Variants in LRRC4C observed in about 807,000 individuals in gnomAD.
The protein encoded by LRRC4C is leucine rich repeat containing 4C.
Under a neutral mutation model 33.6 loss-of-function variants are expected in LRRC4C, and 5 were observed. The ratio of observed to expected loss-of-function variants is 0.15; its 90% CI spans 0.08 to 0.31. The LOEUF is 0.31. Among genes scored for constraint, LRRC4C ranks in the 10% least tolerant of loss-of-function variants. LRRC4C has a pLI of 1.00. For synonymous variants in LRRC4C, 329 were observed against 302.0 expected, an observed-to-expected ratio of 1.09 and a Z score of -0.93; for missense variants, 560 against 796.7, an observed-to-expected ratio of 0.70 and a Z score of 3.58.
chr11:41,409,053 A>G (rs565084572), intron 1 of LRRC4C, among the ~76,000 whole-genome samples: 1 of 152,024 alleles, frequency 6.6e-6, no homozygotes, highest in African/African-American at 2.4e-5. Context: ...TCACAGAGTG[A>G]CCCTGAAACT....
At chr11:41,215,012 ATG>A (rs1946992520) in intron 1 of LRRC4C, among the ~76,000 whole-genome samples, 1 of 115,908 alleles carries the variant, frequency 8.6e-6, no homozygotes, top group Admixed American at 1.1e-4. Context: ...TTTTTTATTC[ATG>A]TATATATATA....
At chr11:40,701,441 A>G (rs1471201765) in intron 2 of LRRC4C, among the ~76,000 whole-genome samples, 2 of 151,962 alleles carry the variant, frequency 1.3e-5, no homozygotes, top group Non-Finnish European at 2.9e-5. Flanking sequence ...CATCCAGTGA[A>G]GGTGGAAAAA....
intron 2 of LRRC4C, among the ~76,000 whole-genome samples, chr11:40,703,398 C>T (rs969659553): frequency 2.0e-5 from 3 of 152,078 alleles, no homozygotes; most frequent in Non-Finnish European, 4.4e-5. Context: ...GGCAAAACCA[C>T]GTCTCTACAA....
chr11:40,641,423 A>T (rs977375672), intron 3 of LRRC4C, among the ~76,000 whole-genome samples: 1 of 152,180 alleles, frequency 6.6e-6, no homozygotes, highest in African/African-American at 2.4e-5. Context: ...TATTTATTTT[A>T]TAGCTCTAGG....
At chr11:40,586,779 A>G (rs908108460) in intron 3 of LRRC4C, among the ~76,000 whole-genome samples, 1 of 151,824 alleles carries the variant, frequency 6.6e-6, no homozygotes, top group South Asian at 2.1e-4. Flanking sequence ...AAGATCAGAT[A>G]GTTGTATATA....
chr11:40,282,780 A>G (rs557406351), intron 4 of LRRC4C, among the ~76,000 whole-genome samples: 5 of 152,286 alleles, frequency 3.3e-5, no homozygotes, highest in African/African-American at 1.2e-4. Flanking sequence ...TCCTCAGGAG[A>G]GAAAGGAGGA....
chr11:41,295,137 T>C (rs996144632), intron 1 of LRRC4C, among the ~76,000 whole-genome samples: 1 of 152,118 alleles, frequency 6.6e-6, no homozygotes, highest in African/African-American at 2.4e-5. Context: ...TGCAGCCTTA[T>C]CCTAAAATAG....
chr11:41,184,666 G>T (rs1459925325), intron 1 of LRRC4C, among the ~76,000 whole-genome samples: 1 of 152,042 alleles, frequency 6.6e-6, no homozygotes, highest in Non-Finnish European at 1.5e-5. Flanking sequence ...CCTCCAAACT[G>T]TTCCAATCAC....
chr11:41,301,836 C>G (rs1032688452), intron 1 of LRRC4C, among the ~76,000 whole-genome samples: 2 of 152,102 alleles, frequency 1.3e-5, no homozygotes, highest in Non-Finnish European at 2.9e-5. Flanking sequence ...AAGATAAGAA[C>G]GATAAACTGC....
chr11:41,009,697 T>C (rs945877336), intron 1 of LRRC4C, among the ~76,000 whole-genome samples: 4 of 152,058 alleles, frequency 2.6e-5, no homozygotes, highest in African/African-American at 9.7e-5. Flanking sequence ...AGTTTCTCTT[T>C]AAAAAATCAG....
Position 40,733,144 on chromosome 11 carries a change from C to T in LRRC4C, c.-406-84866G>A, listed in dbSNP as rs1416487871. Among the ~76,000 whole-genome samples the T allele has an allele frequency of 9.4e-5, 12 of 127,996 alleles. 1 individual carries two copies. In the Admixed American group the frequency reaches 1.1e-3, roughly 12 times the overall value. 84.0% of individuals were successfully genotyped at this position (127,996 alleles called of 152,430 possible). A position where few individuals can be genotyped will look rare whatever the true frequency, so the allele number is the denominator to read the frequency against. ...AGGCTGGAGTAGCGTGGCGAGATCT[C>T]GGCTCACTGCAAGCTCCGCCTCCCG... On this transcript the variant is annotated intron_variant, in intron 2 of 6. Coordinates refer to ENST00000528697, the MANE Select transcript of LRRC4C (RefSeq NM_001258419.2).
intron 5 of LRRC4C, among the ~76,000 whole-genome samples, chr11:40,162,454 A>AC (rs1254061827): frequency 6.6e-6 from 1 of 152,116 alleles, no homozygotes; most frequent in African/African-American, 2.4e-5. Context: ...TTTGCCTCTC[A>AC]CCCAGGGTGA....
intron 2 of LRRC4C, among the ~76,000 whole-genome samples, chr11:40,675,788 G>GA (rs1944369324): frequency 1.3e-5 from 2 of 152,096 alleles, no homozygotes; most frequent in African/African-American, 4.8e-5. Flanking sequence ...GTATCTTTCT[G>GA]AAAAATCAGA....
intron 2 of LRRC4C, among the ~76,000 whole-genome samples, chr11:40,744,072 C>A (rs1159205736): frequency 6.6e-6 from 1 of 152,068 alleles, no homozygotes; most frequent in South Asian, 2.1e-4. Flanking sequence ...ATGTACATTT[C>A]TTTGTGTTCA....
rs116421849 is a variant in LRRC4C at position 40,936,730 on chromosome 11, T to C, written c.-495-3007A>G. Among the ~76,000 whole-genome samples the C allele has an allele frequency of 1.6e-3, 250 of 152,290 alleles. 2 individuals are homozygous for C. The highest frequency in any genetic ancestry group is 5.8e-3 in the African/African-American group (242 of 41,554). On this transcript the variant is annotated intron_variant, in intron 1 of 6. Transcript: ENST00000528697. ...TTATTTAATTCTCAACGCTGTGTAG[T>C]TGCAATTATAATCATGTCTATTTAA... is the stretch of plus-strand genomic sequence containing the variant.
At chr11:41,098,229 A>C (rs1940941595) in intron 1 of LRRC4C, among the ~76,000 whole-genome samples, 1 of 152,144 alleles carries the variant, frequency 6.6e-6, no homozygotes, top group Non-Finnish European at 1.5e-5. Context: ...AAGGGATTTC[A>C]GGGTATAGAA....
intron 1 of LRRC4C, among the ~76,000 whole-genome samples, chr11:40,963,771 A>T (rs1490676834): frequency 6.6e-6 from 1 of 151,808 alleles, no homozygotes; most frequent in Non-Finnish European, 1.5e-5. Flanking sequence ...ATTGGGATAG[A>T]GATGGGGCAT....
chr11:41,174,529 G>T (rs1286414245), intron 1 of LRRC4C, among the ~76,000 whole-genome samples: 2 of 151,942 alleles, frequency 1.3e-5, no homozygotes, highest in Admixed American at 6.6e-5. Context: ...AGTGTTTGTT[G>T]TCTGGAATCA....
At chr11:41,425,726 G>A (rs1302249522) in intron 1 of LRRC4C, among the ~76,000 whole-genome samples, 2 of 152,152 alleles carry the variant, frequency 1.3e-5, no homozygotes, top group African/African-American at 4.8e-5. Context: ...TTACATTCTA[G>A]TATCATAACG....
Sources: gnomAD v4.1 joint callset for allele counts (sites outside exome capture counted in the v4.1 genomes callset) on GRCh38, gnomAD v4.1.1 for gene constraint, MANE v1.5 for transcripts, NCBI Gene and HGNC (gene_info 2026-07-23, HGNC 2026-07-21) for gene names.